LRP1B: variants seen among roughly 807,000 people sequenced by gnomAD.
LRP1B encodes the protein low-density lipoprotein receptor-related protein 1B.
A neutral mutation model predicts 556.6 loss-of-function variants in LRP1B; 217 were observed. The observed-to-expected ratio is 0.39, with a 90% confidence interval of 0.35 to 0.44. The LOEUF (loss-of-function observed/expected upper bound fraction) is 0.44, where lower values mean the gene tolerates loss of function less well. Ranked by LOEUF, LRP1B falls within the 20% of genes least tolerant of loss-of-function variation. The pLI is 1.00. For missense variants in LRP1B, 5,053 were observed against 5,620.8 expected (o/e 0.90, Z 3.23); for synonymous variants, 2,047 against 1,865.8 (o/e 1.10, Z -2.50).
At chr2:141,187,566 T>G (rs1033154436) in intron 7 of LRP1B, among the ~76,000 whole-genome samples, 1 of 152,094 alleles carries the variant, frequency 6.6e-6, no homozygotes, top group African/African-American at 2.4e-5. Context: ...GGTGGTACAC[T>G]ATGTGGTTAA....
intron 7 of LRP1B, among the ~76,000 whole-genome samples, chr2:141,123,585 T>C (rs1376147618): frequency 6.6e-6 from 1 of 152,140 alleles, no homozygotes; most frequent in East Asian, 1.9e-4. Flanking sequence ...TTATAACATA[T>C]AATGATTAAG....
At chr2:141,829,466 A>G (rs1393429254) in intron 1 of LRP1B, among the ~76,000 whole-genome samples, 7 of 152,100 alleles carry the variant, frequency 4.6e-5, no homozygotes, top group Non-Finnish European at 1.0e-4. Context: ...CTAGCAGCAT[A>G]TTTTGTTCCT....
At chr2:141,555,727 T>G (rs1376031738) in intron 2 of LRP1B, among the ~76,000 whole-genome samples, 1 of 151,926 alleles carries the variant, frequency 6.6e-6, no homozygotes, top group East Asian at 1.9e-4. Flanking sequence ...CCTACACAGC[T>G]TTCTAGTAAG....
chr2:141,412,395 TA>T (rs1449208815), intron 3 of LRP1B, among the ~76,000 whole-genome samples: 3 of 152,212 alleles, frequency 2.0e-5, no homozygotes, highest in African/African-American at 7.2e-5. Flanking sequence ...TGCGATAATT[TA>T]TTTTATATAA....
intron 32 of LRP1B, among the ~76,000 whole-genome samples, chr2:140,795,114 T>G (rs974335103): frequency 1.3e-5 from 2 of 152,204 alleles, no homozygotes; most frequent in African/African-American, 4.8e-5. Flanking sequence ...AAGCCACAAG[T>G]ATTATTTGTC....
intron 83 of LRP1B, among the ~76,000 whole-genome samples, chr2:140,301,815 GA>G (rs1403127003): frequency 6.6e-6 from 1 of 151,370 alleles, no homozygotes; most frequent in East Asian, 1.9e-4. Flanking sequence ...ATAAAGTACA[GA>G]AAAAATCAAA....
intron 20 of LRP1B, among the ~76,000 whole-genome samples, chr2:140,949,938 C>CAAAAAAAAAAAAAAA (rs67201185): frequency 7.0e-5 from 1 of 14,268 alleles, no homozygotes; most frequent in Non-Finnish European, 1.2e-4. Flanking sequence ...GACTCCGTCT[C>CAAAAAAAAAAAAAAA]AAAAAAAAAA....
At chr2:141,847,676 A>G (rs1466411116) in intron 1 of LRP1B, among the ~76,000 whole-genome samples, 1 of 151,576 alleles carries the variant, frequency 6.6e-6, no homozygotes, top group African/African-American at 2.4e-5. Flanking sequence ...TGATATTAAA[A>G]ATCTAAATGC....
chr2:140,340,191 C>T (rs1681302078), intron 77 of LRP1B, among the ~76,000 whole-genome samples: 1 of 151,002 alleles, frequency 6.6e-6, no homozygotes, highest in African/African-American at 2.4e-5. Flanking sequence ...ATCAGAAAAA[C>T]AAAGATATCA....
At chr2:141,692,317 A>G (rs995608276) in intron 2 of LRP1B, among the ~76,000 whole-genome samples, 15 of 151,946 alleles carry the variant, frequency 9.9e-5, no homozygotes, top group African/African-American at 3.4e-4. Context: ...TCTCTTACTT[A>G]TCTATAAGTT....
intron 1 of LRP1B, among the ~76,000 whole-genome samples, chr2:142,040,839 C>T (rs1487220431): frequency 6.6e-6 from 1 of 150,910 alleles, no homozygotes; most frequent in Admixed American, 6.6e-5. Flanking sequence ...AATGGATTGA[C>T]TTGCATTGTA....
chr2:141,627,701 G>A (rs1299437273), intron 2 of LRP1B, among the ~76,000 whole-genome samples: 1 of 152,148 alleles, frequency 6.6e-6, no homozygotes, highest in African/African-American at 2.4e-5. Context: ...TGTCGTCCAC[G>A]AAACTGGTTC....
intron 1 of LRP1B, among the ~76,000 whole-genome samples, chr2:141,927,627 C>T (rs79491286): frequency 0.017 from 2,636 of 151,962 alleles, 93 homozygotes; most frequent in African/African-American, 0.06. Context: ...TCTTTCAATA[C>T]ATTTCTTCTT....
chr2:141,146,528 A>G (rs1701788151), intron 7 of LRP1B, among the ~76,000 whole-genome samples: 1 of 152,194 alleles, frequency 6.6e-6, no homozygotes, highest in Non-Finnish European at 1.5e-5. Context: ...TATAAATGAG[A>G]TTCTCTATTT....
At chr2:140,335,535 C>G in intron 78 of LRP1B, 80 bp downstream of exon 78, 2 of 861,998 alleles carry the variant, frequency 2.3e-6, no homozygotes, top group South Asian at 1.4e-5. Flanking sequence ...ACACTCATTA[C>G]AGAGACAAAA....
At chr2:141,614,344 G>C (rs1360846648) in intron 2 of LRP1B, among the ~76,000 whole-genome samples, 1 of 152,078 alleles carries the variant, frequency 6.6e-6, no homozygotes, top group Non-Finnish European at 1.5e-5. Context: ...AAAATATAGT[G>C]TGTATATACT....
At chr2:142,071,565 A>G (rs1263156149) in intron 1 of LRP1B, among the ~76,000 whole-genome samples, 1 of 152,064 alleles carries the variant, frequency 6.6e-6, no homozygotes, top group East Asian at 1.9e-4. Flanking sequence ...ATTTATAAGT[A>G]CATTTGAACA....
chr2:141,549,792 C>T (rs1400224813), intron 2 of LRP1B, among the ~76,000 whole-genome samples: 1 of 152,040 alleles, frequency 6.6e-6, no homozygotes, highest in Non-Finnish European at 1.5e-5. Flanking sequence ...GTCAAGAGTT[C>T]GAGACCAGAC....
At chr2:141,239,785 A>T (rs1357964238) in intron 5 of LRP1B, among the ~76,000 whole-genome samples, 1 of 152,092 alleles carries the variant, frequency 6.6e-6, no homozygotes, top group East Asian at 1.9e-4. Context: ...AATAAGGAGA[A>T]GGGAGGTAGA....
Sources: gnomAD v4.1 joint callset for allele counts (sites outside exome capture counted in the v4.1 genomes callset) on GRCh38, gnomAD v4.1.1 for gene constraint, MANE v1.5 for transcripts, NCBI Gene and HGNC (gene_info 2026-07-23, HGNC 2026-07-21) for gene names.